PACS1: variants seen among roughly 807,000 people sequenced by gnomAD.
PACS1 encodes the protein PACS-1.
PACS1 carries 24 observed loss-of-function variants against 115.0 expected under a neutral mutation model. The observed-to-expected ratio is 0.21, with a 90% CI of 0.15 to 0.29. The LOEUF (loss-of-function observed/expected upper bound fraction) is 0.29, where lower values mean the gene tolerates loss of function less well. Among genes scored for constraint, PACS1 ranks in the 10% least tolerant of loss-of-function variants. The pLI is 1.00. For synonymous variants in PACS1, 453 were observed against 504.5 expected (o/e 0.90, Z 1.37); for missense variants, 838 against 1,251.2 (o/e 0.67, Z 4.98).
At chr11:66,170,265 T>C (rs1859704733) in intron 1 of PACS1, among the ~76,000 whole-genome samples, 1 of 150,576 alleles carries the variant, frequency 6.6e-6, no homozygotes, top group African/African-American at 2.5e-5. Flanking sequence ...TGCTTTCTTT[T>C]AGATTTTTAG....
chr11:66,104,632 G>T (rs1199277688), intron 1 of PACS1, among the ~76,000 whole-genome samples: 1 of 152,150 alleles, frequency 6.6e-6, no homozygotes, highest in Non-Finnish European at 1.5e-5. Flanking sequence ...AAGAAACTGG[G>T]CCCTGGATTT....
At chr11:66,135,877 G>A (rs1017939079) in intron 1 of PACS1, among the ~76,000 whole-genome samples, 1 of 151,910 alleles carries the variant, frequency 6.6e-6, no homozygotes, top group Non-Finnish European at 1.5e-5. Flanking sequence ...GGCTGGTCTC[G>A]AACTCCTGAC....
At chr11:66,145,937 C>T (rs1191041237) in intron 1 of PACS1, among the ~76,000 whole-genome samples, 5 of 152,276 alleles carry the variant, frequency 3.3e-5, no homozygotes, top group South Asian at 4.1e-4. Flanking sequence ...CAAATAGCCA[C>T]ACATCACAGG....
At chr11:66,096,298 T>C (rs1857780981) in intron 1 of PACS1, among the ~76,000 whole-genome samples, 1 of 148,704 alleles carries the variant, frequency 6.7e-6, no homozygotes, top group African/African-American at 2.5e-5. Flanking sequence ...CAGCCTTAAC[T>C]TCCCAAGCTC....
intron 19 of PACS1, chr11:66,238,313 C>T: frequency 1.0e-5 from 10 of 985,330 alleles, no homozygotes; most frequent in Non-Finnish European, 1.2e-5. Flanking sequence ...GCCCACAGGA[C>T]CTTAGAGAAA....
At chr11:66,115,767 T>C (rs963286673) in intron 1 of PACS1, among the ~76,000 whole-genome samples, 4 of 152,216 alleles carry the variant, frequency 2.6e-5, no homozygotes, top group Non-Finnish European at 5.9e-5. Flanking sequence ...GACCTCGGTA[T>C]TAACCTCACC....
chr11:66,112,893 A>C (rs961593955), intron 1 of PACS1, among the ~76,000 whole-genome samples: 10 of 152,238 alleles, frequency 6.6e-5, no homozygotes, highest in Non-Finnish European at 1.5e-4. Flanking sequence ...AGAATGATAC[A>C]TGGTGGAATA....
At chr11:66,080,927 A>G (rs1333638209) in intron 1 of PACS1, among the ~76,000 whole-genome samples, 1 of 152,126 alleles carries the variant, frequency 6.6e-6, no homozygotes, top group Non-Finnish European at 1.5e-5. Context: ...TCATCTGTAA[A>G]TGGGCATAAT....
intron 1 of PACS1, among the ~76,000 whole-genome samples, chr11:66,185,956 T>G (rs544496748): frequency 1.3e-5 from 2 of 152,124 alleles, no homozygotes; most frequent in Non-Finnish European, 2.9e-5. Flanking sequence ...AAGAGGTTTC[T>G]TTCTTTCTCA....
At chr11:66,223,422 G>T (rs573450676) in intron 10 of PACS1, among the ~76,000 whole-genome samples, 1 of 150,846 alleles carries the variant, frequency 6.6e-6, no homozygotes, top group African/African-American at 2.4e-5. Context: ...ATAGGGTCTC[G>T]CTGTACTCCC....
intron 1 of PACS1, chr11:66,100,982 T>C (rs970332906): frequency 1.3e-5 from 6 of 448,682 alleles, no homozygotes; most frequent in Non-Finnish European, 2.7e-5. Context: ...GCCTCATTTC[T>C]ACTGCATTCT....
chr11:66,214,658 G>T (rs1464300780), intron 4 of PACS1, among the ~76,000 whole-genome samples: 3 of 114,402 alleles, frequency 2.6e-5, no homozygotes, highest in Non-Finnish European at 4.9e-5. Flanking sequence ...GTCTCACTCT[G>T]TCACCCAGGC....
chr11:66,092,913 C>T (rs1857693967), intron 1 of PACS1, among the ~76,000 whole-genome samples: 2 of 152,192 alleles, frequency 1.3e-5, no homozygotes, highest in South Asian at 4.1e-4. Flanking sequence ...GTTTCGGTTA[C>T]TGTAGCCTTA....
chr11:66,087,108 A>G (rs1857585190), intron 1 of PACS1, among the ~76,000 whole-genome samples: 2 of 152,112 alleles, frequency 1.3e-5, no homozygotes, highest in South Asian at 4.1e-4. Context: ...GAACATTACC[A>G]TGCCCCCTTC....
chr11:66,202,726 G>GAAAAAAAAAAA (rs55677222), intron 2 of PACS1, among the ~76,000 whole-genome samples: 7 of 10,954 alleles, frequency 6.4e-4, no homozygotes, highest in Non-Finnish European at 9.9e-4. Context: ...TCATCTCTAG[G>GAAAAAAAAAAA]AAAAAAAAAA....
chr11:66,208,887 A>G (rs1390679900), intron 2 of PACS1, among the ~76,000 whole-genome samples: 1 of 152,198 alleles, frequency 6.6e-6, no homozygotes, highest in Non-Finnish European at 1.5e-5. Flanking sequence ...TCAACAATGA[A>G]TGAATTTGGA....
chr11:66,177,990 C>A (rs974987958), intron 1 of PACS1, among the ~76,000 whole-genome samples: 10 of 151,882 alleles, frequency 6.6e-5, no homozygotes, highest in Non-Finnish European at 1.3e-4. Flanking sequence ...TGTCTAGGTT[C>A]CATTTTTAAT....
chr11:66,230,571 T>A lies in PACS1; in HGVS notation c.1398T>A (p.Phe466Leu), dbSNP rs200356887. ...AGGAAATCACTGACCAGGACATGTT[T>A]GGAGATGCCAGCACGAGTCTGGTTG... Reference protein sequence around the residue: ...DTLEITDQDMFGDASTSLVVP... With the variant: ...DTLEITDQDMLGDASTSLVVP... Residue 466 changes from phenylalanine (F) to leucine (L), a missense_variant, in exon 12 of 24, where the codon TTT (phenylalanine) becomes TTA (leucine). By Grantham distance (22) the Phe-to-Leu change is conservative. This residue lies in a region of PACS1 where 383 missense variants were observed against 537.0 expected (regional missense o/e 0.71). Coordinates refer to ENST00000320580, the MANE Select transcript of PACS1 (RefSeq NM_018026.4). 6.2e-7 allele frequency: 1 copy of A among 1,613,988 alleles called. No individual in the cohort carries two copies. Among genetic ancestry groups the A allele is most frequent in the Non-Finnish European group, 8.5e-7 (1 of 1,179,854 alleles).
intron 1 of PACS1, among the ~76,000 whole-genome samples, chr11:66,119,091 G>A (rs1385730028): frequency 6.6e-6 from 1 of 152,190 alleles, no homozygotes; most frequent in Non-Finnish European, 1.5e-5. Flanking sequence ...AGATGGACAA[G>A]GGAGAGGCCC....
Sources: gnomAD v4.1 joint callset for allele counts (sites outside exome capture counted in the v4.1 genomes callset) on GRCh38, gnomAD v4.1.1 for gene constraint, gnomAD v4.1.1 regional missense constraint, MANE v1.5 for transcripts, NCBI Gene and HGNC (gene_info 2026-07-23, HGNC 2026-07-21) for gene names.